CMKLR1: variants seen among roughly 807,000 people sequenced by gnomAD.
CMKLR1 encodes the protein chemerin-like receptor 1.
Under a neutral mutation model 8.2 loss-of-function variants are expected in CMKLR1, and 6 were observed. The ratio of observed to expected loss-of-function variants is 0.73; its 90% CI spans 0.40 to 1.44. CMKLR1 has a LOEUF of 1.44. Among genes scored for constraint, CMKLR1 ranks in the 40% most tolerant of loss-of-function variants. The pLI is 0.02. For missense variants in CMKLR1, 429 were observed against 478.0 expected (o/e 0.90, Z 0.96); for synonymous variants, 178 against 181.2 (o/e 0.98, Z 0.14).
At chr12:108,296,875 A>G (rs1269702220) in intron 2 of CMKLR1, among the ~76,000 whole-genome samples, 1 of 152,106 alleles carries the variant, frequency 6.6e-6, no homozygotes, top group Non-Finnish European at 1.5e-5. Context: ...CTAAGCTCCA[A>G]TGTCCTCTCC....
At chr12:108,325,024 A>T (rs1891949826) in intron 2 of CMKLR1, among the ~76,000 whole-genome samples, 1 of 152,212 alleles carries the variant, frequency 6.6e-6, no homozygotes, top group South Asian at 2.1e-4. Flanking sequence ...GGTTCAGAGC[A>T]CTTGCTACAG....
chr12:108,330,054 C>G lies in CMKLR1; in HGVS notation c.-133G>C, dbSNP rs1029361188. 2.6e-5 allele frequency: 4 copies of G among 152,184 alleles called. No individual in the cohort carries two copies. The highest frequency in any genetic ancestry group is 9.7e-5 in the African/African-American group (4 of 41,440). 9.4% of individuals were successfully genotyped at this position (152,184 alleles called of 1,614,324 possible). ...TCTCCTCCCCTTGAATCTGCACTGG[C>G]ATGGTGAGTTGCTGTGACCAACAGA... On this transcript the variant is annotated 5_prime_UTR_variant, in exon 2 of 4. An upstream start codon of the reference 5' UTR is lost. Transcript: ENST00000550402.
intron 2 of CMKLR1, among the ~76,000 whole-genome samples, chr12:108,311,784 C>A (rs144879736): frequency 6.6e-6 from 1 of 152,316 alleles, no homozygotes; most frequent in Non-Finnish European, 1.5e-5. Flanking sequence ...AAGTCAGCGA[C>A]CCCTGACCCA....
At chr12:108,324,875 T>C (rs1891946655) in intron 2 of CMKLR1, among the ~76,000 whole-genome samples, 1 of 151,952 alleles carries the variant, frequency 6.6e-6, no homozygotes, top group South Asian at 2.1e-4. Flanking sequence ...CAGCCTCCAG[T>C]CTGACCACAG....
At chr12:108,319,782 G>A (rs1238942217) in intron 2 of CMKLR1, among the ~76,000 whole-genome samples, 4 of 152,074 alleles carry the variant, frequency 2.6e-5, no homozygotes, top group Admixed American at 2.0e-4. Context: ...TTGTAAGGGA[G>A]TATGGTTTAA....
At chr12:108,336,428 C>T (rs1892225803) in intron 1 of CMKLR1, among the ~76,000 whole-genome samples, 1 of 152,052 alleles carries the variant, frequency 6.6e-6, no homozygotes, top group Non-Finnish European at 1.5e-5. Context: ...TGCCTGTAGT[C>T]GCAGCTACTT....
chr12:108,298,726 C>T (rs895704647), intron 2 of CMKLR1, among the ~76,000 whole-genome samples: 2 of 152,230 alleles, frequency 1.3e-5, no homozygotes, highest in Non-Finnish European at 2.9e-5. Context: ...CCTCCCTTTC[C>T]ACCCTCAGCT....
chr12:108,292,734 A>G lies in CMKLR1; in HGVS notation c.229T>C (p.Trp77Arg). 1 of 1,614,212 alleles carries G rather than the reference A, an allele frequency of 6.2e-7. No individual in the cohort carries two copies. Among genetic ancestry groups the G allele is most frequent in the Non-Finnish European group, 8.5e-7 (1 of 1,180,040 alleles). The change falls in exon 4 of 4, where the codon TGG (tryptophan) becomes CGG (arginine). Residue 77 changes from tryptophan (W) to arginine (R), a missense_variant. Physicochemically the swap from Trp to Arg is moderately radical, Grantham distance 101. Coordinates refer to ENST00000550402, the MANE Select transcript of CMKLR1 (RefSeq NM_001142343.2). ...FKMKKTVNMV[W>R]FLNLAVADFL... ...TCTGCCACTGCCAGGTTGAGGAACC[A>G]GACCATGTTCACTGTCTTCTTCATC...
intron 2 of CMKLR1, among the ~76,000 whole-genome samples, chr12:108,319,996 C>T (rs938998130): frequency 6.6e-6 from 1 of 151,942 alleles, no homozygotes; most frequent in Non-Finnish European, 1.5e-5. Flanking sequence ...GAGCAACAGA[C>T]GATGAGTAAA....
At position 108,292,635 on chromosome 12, in the gene CMKLR1, C is replaced by A; in HGVS notation, c.328G>T (p.Ala110Ser). 6.2e-7 allele frequency: 1 copy of A among 1,614,166 alleles called. No homozygotes were observed. The highest frequency in any genetic ancestry group is 8.5e-7 in the Non-Finnish European group (1 of 1,180,026). ...AMDYHWVFGT[A>S]MCKISNFLLI... ...AGGAAGTTGCTGATCTTGCACATGG[C>A]TGTCCCGAAAACCCAGTGGTAGTCC... Residue 110 changes from alanine to serine, a missense_variant, in exon 4 of 4, where the codon GCC becomes TCC. By Grantham distance (99) the Ala-to-Ser change is moderately conservative. Coordinates refer to ENST00000550402, the MANE Select transcript of CMKLR1 (RefSeq NM_001142343.2).
At chr12:108,307,003 A>G (rs1891426900) in intron 2 of CMKLR1, among the ~76,000 whole-genome samples, 1 of 152,082 alleles carries the variant, frequency 6.6e-6, no homozygotes, top group South Asian at 2.1e-4. Context: ...CCAGCCATCC[A>G]GCTTGTGCCT....
chr12:108,328,928 GC>G (rs1274396496), intron 2 of CMKLR1, among the ~76,000 whole-genome samples: 3 of 152,176 alleles, frequency 2.0e-5, no homozygotes, highest in African/African-American at 4.8e-5. Context: ...TTTCCTCTCA[GC>G]CTCTATGCCT....
chr12:108,298,102 A>G (rs1469490921), intron 2 of CMKLR1, among the ~76,000 whole-genome samples: 2 of 152,114 alleles, frequency 1.3e-5, no homozygotes, highest in Non-Finnish European at 2.9e-5. Flanking sequence ...AACTGATCAC[A>G]TTTCCCTTTT....
At position 108,292,795 on chromosome 12, in the gene CMKLR1, C is replaced by T; in HGVS notation, c.168G>A (p.Leu56=). 1 of 1,614,140 alleles carries T rather than the reference C, an allele frequency of 6.2e-7. No homozygotes were observed. The highest frequency in any genetic ancestry group is 8.5e-7 in the Non-Finnish European group (1 of 1,180,032). The change falls in exon 4 of 4, where the codon CTG becomes CTA. Residue 56 remains leucine (L), a synonymous_variant. Transcript: ENST00000550402. ...VYSIVCFLGI[L]GNGLVIIIAT... is the part of the protein sequence containing the mutation. ...CAATGATGATCACCAGACCATTGCC[C>T]AGAATCCCGAGGAAGCAGACGATGC...
intron 1 of CMKLR1, among the ~76,000 whole-genome samples, chr12:108,337,522 C>T (rs1208654948): frequency 6.6e-6 from 1 of 152,154 alleles, no homozygotes; most frequent in African/African-American, 2.4e-5. Flanking sequence ...GAGAGACAGA[C>T]AAGATGACTG....
rs1891034171 is a variant in CMKLR1 at position 108,292,895 on chromosome 12, T to C, written c.68A>G (p.Asp23Gly). ...TAAGTCCTCCAAAACCACAATGGAG[T>C]CTAAATAATCAGGGTATTCATCACC... The part of the protein sequence containing the change: ...SYGDEYPDYL[D>G]SIVVLEDLSP... The change falls in exon 4 of 4, where the codon GAC becomes GGC. Residue 23 changes from aspartate to glycine, a missense_variant. Asp to Gly is a moderately conservative substitution (Grantham distance 94, BLOSUM62 -1). Coordinates refer to ENST00000550402, the MANE Select transcript of CMKLR1 (RefSeq NM_001142343.2). 1 of 1,613,668 alleles carries C rather than the reference T, an allele frequency of 6.2e-7. No individual in the cohort carries two copies. Among genetic ancestry groups the C allele is most frequent in the Non-Finnish European group, 8.5e-7 (1 of 1,179,906 alleles).
chr12:108,297,123 G>C (rs954119234), intron 2 of CMKLR1, among the ~76,000 whole-genome samples: 2 of 152,048 alleles, frequency 1.3e-5, no homozygotes, highest in African/African-American at 2.4e-5. Flanking sequence ...ATTTTCTTCT[G>C]CCTCTGCCAC....
chr12:108,328,138 G>A (rs1420555501), intron 2 of CMKLR1, among the ~76,000 whole-genome samples: 1 of 152,188 alleles, frequency 6.6e-6, no homozygotes, highest in Non-Finnish European at 1.5e-5. Context: ...GTTTAGGCCA[G>A]ACAGGGCCAG....
In CMKLR1 at chr12:108,292,338, T is replaced by A; in HGVS notation, c.625A>T (p.Met209Leu). The A allele has an allele frequency of 1.2e-6, 2 of 1,613,956 alleles. No homozygotes were observed. The highest frequency in any genetic ancestry group is 8.5e-7 in the Non-Finnish European group (1 of 1,179,986). The change falls in exon 4 of 4, where the codon ATG becomes TTG. Residue 209 changes from methionine (M) to leucine (L), a missense_variant. Coordinates refer to ENST00000550402, the MANE Select transcript of CMKLR1 (RefSeq NM_001142343.2). ...TGCCGGCTATACCCCACAGGGTCCATTTGGGAGTGAGTGGGCCACGAGGAA... is the reference window on the plus strand; with the variant it reads ...TGCCGGCTATACCCCACAGGGTCCAATTGGGAGTGAGTGGGCCACGAGGAA... ...GSSSWPTHSQ[M>L]DPVGYSRHMV... is the part of the protein sequence containing the mutation.
Sources: allele counts gnomAD v4.1 joint callset (sites outside exome capture counted in the v4.1 genomes callset), GRCh38; gene constraint gnomAD v4.1.1; transcripts MANE v1.5; gene names NCBI Gene and HGNC (gene_info 2026-07-23, HGNC 2026-07-21).